TPX2: variants seen among roughly 807,000 people sequenced by gnomAD.
The protein encoded by TPX2 is targeting protein for Xklp2.
Under a neutral mutation model 93.6 loss-of-function variants are expected in TPX2, and 21 were observed. The observed-to-expected ratio is 0.22, with a 90% CI of 0.16 to 0.32. The LOEUF (loss-of-function observed/expected upper bound fraction) is 0.32, where lower values mean the gene tolerates loss of function less well. Ranked by LOEUF, TPX2 falls within the 10% of genes least tolerant of loss-of-function variation. TPX2 has a pLI of 1.00. For missense variants in TPX2, 776 were observed against 871.1 expected (o/e 0.89, Z 1.37); for synonymous variants, 281 against 298.3 (o/e 0.94, Z 0.60).
At chr20:31,796,677 C>G (rs2062140631) in intron 15 of TPX2, among the ~76,000 whole-genome samples, 2 of 150,654 alleles carry the variant, frequency 1.3e-5, no homozygotes, top group African/African-American at 4.9e-5. Flanking sequence ...GTAGTAAGAT[C>G]TGGAGGCTTG....
At chr20:31,792,308 G>T (rs147015365) in intron 12 of TPX2, among the ~76,000 whole-genome samples, 1 of 152,090 alleles carries the variant, frequency 6.6e-6, no homozygotes, top group Non-Finnish European at 1.5e-5. Flanking sequence ...ACAGTGAGCC[G>T]AGATTGCCCC....
intron 4 of TPX2, among the ~76,000 whole-genome samples, chr20:31,761,447 AC>A (rs1288797974): frequency 1.3e-4 from 20 of 151,834 alleles, no homozygotes; most frequent in African/African-American, 4.8e-4. Context: ...TGATCCGCCC[AC>A]CTCGGCCTCC....
At chr20:31,792,901 T>C in intron 13 of TPX2, 71 bp downstream of exon 13, 1 of 1,411,556 alleles carries the variant, frequency 7.1e-7, no homozygotes, top group Non-Finnish European at 1.0e-6. Flanking sequence ...TATCATTTAT[T>C]AATCTTAATG....
At chr20:31,756,818 G>T (rs1464226534) in intron 2 of TPX2, among the ~76,000 whole-genome samples, 1 of 151,924 alleles carries the variant, frequency 6.6e-6, no homozygotes, top group East Asian at 1.9e-4. Context: ...GTACAGAAGA[G>T]GTTTTGCCAT....
intron 2 of TPX2, among the ~76,000 whole-genome samples, chr20:31,752,287 C>A (rs527708933): frequency 9.5e-4 from 145 of 152,270 alleles, no homozygotes; most frequent in African/African-American, 3.1e-3. Context: ...AGGGCTATAG[C>A]TGTTTTCAGG....
intron 2 of TPX2, among the ~76,000 whole-genome samples, chr20:31,750,595 A>T (rs1264362650): frequency 6.6e-6 from 1 of 152,026 alleles, no homozygotes. Flanking sequence ...CCTCCCGAGT[A>T]GCTGGGATTA....
At chr20:31,792,861 T>C (rs1226942371) in intron 13 of TPX2, 31 bp downstream of exon 13, 1 of 1,579,234 alleles carries the variant, frequency 6.3e-7, no homozygotes, top group African/African-American at 1.4e-5. Flanking sequence ...GGGTTCTTTT[T>C]CCTTCTATAT....
intron 2 of TPX2, among the ~76,000 whole-genome samples, chr20:31,746,734 T>A (rs2061785449): frequency 6.6e-6 from 1 of 152,036 alleles, no homozygotes; most frequent in South Asian, 2.1e-4. Flanking sequence ...ACCTTTTGAT[T>A]TATAGAGCTT....
intron 9 of TPX2, among the ~76,000 whole-genome samples, chr20:31,778,170 C>A (rs940348599): frequency 6.6e-6 from 1 of 152,128 alleles, no homozygotes; most frequent in African/African-American, 2.4e-5. Context: ...CAGTAATAAT[C>A]GTTAAGTAAA....
chr20:31,791,602 G>C lies in TPX2; in HGVS notation c.1414-1133G>C, dbSNP rs556027438. Among the ~76,000 whole-genome samples the C allele has an allele frequency of 5.8e-4, 89 of 152,296 alleles. No homozygotes were observed. In the South Asian group the frequency reaches 0.013, roughly 23 times the overall value. On this transcript the variant is annotated intron_variant, in intron 12 of 17. Coordinates refer to ENST00000300403, the MANE Select transcript of TPX2 (RefSeq NM_012112.5). ...CCTGGCCTAAAGAATTTTAAGTCAG[G>C]AAGTAATGTGATCAAATGTGTTTTA...
At chr20:31,773,478 G>T (rs941229428) in intron 7 of TPX2, among the ~76,000 whole-genome samples, 1 of 151,478 alleles carries the variant, frequency 6.6e-6, no homozygotes, top group Non-Finnish European at 1.5e-5. Context: ...TTTTAGTAGA[G>T]ATGGGGTTTC....
At chr20:31,783,585 G>T in intron 11 of TPX2, 120 bp from the exon 12 acceptor site, 1 of 967,594 alleles carries the variant, frequency 1.0e-6, no homozygotes, top group South Asian at 1.6e-5. Context: ...TTATTCTGTT[G>T]TCCAGTCAAT....
At chr20:31,788,548 C>G (rs961466411) in intron 12 of TPX2, among the ~76,000 whole-genome samples, 3 of 152,188 alleles carry the variant, frequency 2.0e-5, no homozygotes, top group African/African-American at 7.2e-5. Flanking sequence ...CCACGTCCCC[C>G]CCAGTGCTGA....
chr20:31,766,740 C>T (rs567859289), intron 5 of TPX2, 58 bp downstream of exon 5: 3 of 1,545,012 alleles, frequency 1.9e-6, no homozygotes, highest in South Asian at 2.4e-5. Flanking sequence ...AGGATAGTTA[C>T]TGGACAGAAC....
Position 31,758,924 on chromosome 20 carries a change from A to G in TPX2, c.107-1133A>G, listed in dbSNP as rs534339155. Reference sequence around the variant, plus strand: ...AAAAAGAAAAGAAAAGATTAGCCTAAGAATACTGTTAAATACAATTTGGAA... The same window carrying G: ...AAAAAGAAAAGAAAAGATTAGCCTAGGAATACTGTTAAATACAATTTGGAA... On this transcript the variant is annotated intron_variant, in intron 3 of 17. Coordinates refer to ENST00000300403, the MANE Select transcript of TPX2 (RefSeq NM_012112.5). Among the ~76,000 whole-genome samples, 3 of 152,342 alleles carry G rather than the reference A, an allele frequency of 2.0e-5. No homozygotes were observed. In the South Asian group the frequency reaches 6.2e-4, roughly 32 times the overall value.
intron 2 of TPX2, among the ~76,000 whole-genome samples, chr20:31,749,901 G>T (rs1174824710): frequency 6.6e-6 from 1 of 151,820 alleles, no homozygotes; most frequent in South Asian, 2.1e-4. Context: ...GTTCTATATA[G>T]AAATCTTATT....
chr20:31,756,714 C>T (rs1032820359), intron 2 of TPX2, among the ~76,000 whole-genome samples: 1 of 152,182 alleles, frequency 6.6e-6, no homozygotes, highest in African/African-American at 2.4e-5. Flanking sequence ...ACTTTCACCT[C>T]CCAGGTTCAA....
chr20:31,778,726 T>G, intron 9 of TPX2, 87 bp from the exon 10 acceptor site: 1 of 1,303,608 alleles, frequency 7.7e-7, no homozygotes, highest in Non-Finnish European at 1.0e-6. Context: ...GCCTTTTTTA[T>G]TGATCCTCTG....
chr20:31,795,332 C>A (rs1295078726), intron 15 of TPX2, among the ~76,000 whole-genome samples: 1 of 152,242 alleles, frequency 6.6e-6, no homozygotes, highest in East Asian at 1.9e-4. Context: ...CAAGGTTTTG[C>A]CATGTTGGCC....
Sources: gnomAD v4.1 joint callset for allele counts (sites outside exome capture counted in the v4.1 genomes callset) on GRCh38, gnomAD v4.1.1 for gene constraint, MANE v1.5 for transcripts, NCBI Gene and HGNC (gene_info 2026-07-23, HGNC 2026-07-21) for gene names.